Variants in HSF4 observed in about 807,000 individuals in gnomAD.
The protein encoded by HSF4 is heat shock transcription factor 4.
Under a neutral mutation model 52.0 loss-of-function variants are expected in HSF4, and 41 were observed. The observed-to-expected ratio is 0.79, with a 90% CI of 0.61 to 1.02. The LOEUF is 1.02. HSF4 is among the 50% of genes least tolerant of loss of function. HSF4 has a pLI of 0.00. For synonymous variants in HSF4, 285 were observed against 273.0 expected, an observed-to-expected ratio of 1.04 and a Z score of -0.43; for missense variants, 610 against 651.1, an observed-to-expected ratio of 0.94 and a Z score of 0.69.
rs760918985 is a variant in HSF4, at chr16:67,169,069, A to G, written c.1222A>G (p.Thr408Ala). 23 of 1,613,490 alleles carry G rather than the reference A, an allele frequency of 1.4e-5. No homozygotes were observed. The highest frequency in any genetic ancestry group is 1.1e-4 in the South Asian group (10 of 91,076). Residue 408 changes from threonine to alanine, a missense_variant, in exon 11 of 13, where the codon ACC becomes GCC. Coordinates refer to ENST00000521374, the MANE Select transcript of HSF4 (RefSeq NM_001374675.1). This position sits in a 1 kb window ranked among gnomAD's most constrained non-coding sequence, Gnocchi z 4.3. ...CCCCAGTCTCCAAGGGCGAGAATGG[A>G]CCCTGATGGACTTGGACATGGAGCT... ...LGPSLQGREW[T>A]LMDLDMELSL...
At chr16:67,168,107 A>C (rs1597242937) in intron 9 of HSF4, among the ~76,000 whole-genome samples, 160 bp downstream of exon 9, 2 of 152,396 alleles carry the variant, frequency 1.3e-5, no homozygotes, top group Middle Eastern at 6.8e-3. Context: ...GGCACTCAGC[A>C]TCTGCGGAAG....
At position 67,167,716 on chromosome 16, in the gene HSF4, G is replaced by A. The variant is rs1337873991; in HGVS notation, c.855-4G>A. 6.2e-7 allele frequency: 1 copy of A among 1,610,502 alleles called. No homozygotes were observed. Among genetic ancestry groups the A allele is most frequent in the African/African-American group, 1.3e-5 (1 of 74,912 alleles). On this transcript the variant is annotated splice_region_variant and splice_polypyrimidine_tract_variant and intron_variant, in intron 8 of 12. Coordinates refer to ENST00000521374, the MANE Select transcript of HSF4 (RefSeq NM_001374675.1). ...GGTCTGGTTGAAGCTTTTCTCTGGT[G>A]CAGGGAGAAGGGCCTGGCACTGCTC...
chr16:67,169,274 C>A lies in HSF4; in HGVS notation c.1255-5C>A. Reference sequence around the variant, plus strand: ...CCCCAGCTGCTCCCTGCGGTTCTCACGCAGATGCAGCCCTTGGTTCCAGAG... The same window carrying A: ...CCCCAGCTGCTCCCTGCGGTTCTCAAGCAGATGCAGCCCTTGGTTCCAGAG... On this transcript the variant is annotated splice_region_variant and splice_polypyrimidine_tract_variant and intron_variant, in intron 11 of 12. Coordinates refer to ENST00000521374, the MANE Select transcript of HSF4 (RefSeq NM_001374675.1). This position sits in a 1 kb window ranked among gnomAD's most constrained non-coding sequence, Gnocchi z 4.3. 1.2e-6 allele frequency: 2 copies of A among 1,613,444 alleles called. No individual in the cohort carries two copies. Among genetic ancestry groups the A allele is most frequent in the Non-Finnish European group, 1.7e-6 (2 of 1,179,948 alleles).
At position 67,165,763 on chromosome 16, in the gene HSF4, A is replaced by G; in HGVS notation, c.277A>G (p.Arg93Gly). Residue 93 changes from arginine to glycine, a missense_variant, in exon 3 of 13, where the codon AGG becomes GGG. By Grantham distance (125) the Arg-to-Gly change is moderately radical. Coordinates refer to ENST00000521374, the MANE Select transcript of HSF4 (RefSeq NM_001374675.1). The surrounding 1 kb of genome is among the most constrained non-coding windows in gnomAD (Gnocchi z 6.9). ...VVSIEQGGLL[R>G]PERDHVEFQH... ...GAGCATCGAGCAGGGCGGCCTGCTT[A>G]GGCCGGAGCGCGACCACGTCGAGTT... The G allele has an allele frequency of 6.2e-7, 1 of 1,611,036 alleles. No individual in the cohort carries two copies. Among genetic ancestry groups the G allele is most frequent in the Non-Finnish European group, 8.5e-7 (1 of 1,179,716 alleles).
intron 6 of HSF4, 66 bp from the exon 7 acceptor site, chr16:67,167,054 T>C: frequency 1.2e-6 from 2 of 1,610,816 alleles, no homozygotes; most frequent in South Asian, 2.2e-5. Context: ...GGGAGGGAAG[T>C]GCAGGCCGAG....
At position 67,169,424 on chromosome 16, in the gene HSF4, T is replaced by C; in HGVS notation, c.1324+76T>C. 3.2e-6 allele frequency: 5 copies of C among 1,575,714 alleles called. No individual in the cohort carries two copies. The highest frequency in any genetic ancestry group is 4.3e-6 in the Non-Finnish European group (5 of 1,160,628). ...CTACCTTGATTGAGTGAGGGGGCAA[T>C]CTGCAATTTGCAGGGAAATCCTGAG... On this transcript the variant is annotated intron_variant, in intron 12 of 12. Coordinates refer to ENST00000521374, the MANE Select transcript of HSF4 (RefSeq NM_001374675.1). The surrounding 1 kb of genome is among the most constrained non-coding windows in gnomAD (Gnocchi z 4.3).
In HSF4 at chr16:67,165,667, G is replaced by A. The variant is rs2031212380; in HGVS notation, c.232+37G>A. On this transcript the variant is annotated intron_variant, in intron 2 of 12. Transcript: ENST00000521374. This position sits in a 1 kb window ranked among gnomAD's most constrained non-coding sequence, Gnocchi z 6.9. ...CGGCCGGGCGGGGAGCGGGGATGGG[G>A]GACTCGGTGCCGGGGATGGGGCGAC... is the stretch of plus-strand genomic sequence containing the variant. 1 of 1,612,514 alleles carries A rather than the reference G, an allele frequency of 6.2e-7. No homozygotes were observed. The highest frequency in any genetic ancestry group is 1.3e-5 in the African/African-American group (1 of 75,050).
Position 67,164,891 on chromosome 16 carries a change from T to C in HSF4, c.80T>C (p.Leu27Pro). 1 of 1,608,234 alleles carries C rather than the reference T, an allele frequency of 6.2e-7. No homozygotes were observed. The highest frequency in any genetic ancestry group is 8.5e-7 in the Non-Finnish European group (1 of 1,179,170). The part of the protein sequence containing the change: ...VPAFLGKLWA[L>P]VGDPGTDHLI... ...GCCTTCCTCGGCAAGCTATGGGCGC[T>C]GGTGGGGGACCCAGGCACAGACCAC... is the stretch of plus-strand genomic sequence containing the variant. Residue 27 changes from leucine to proline, a missense_variant, in exon 1 of 13, where the codon CTG becomes CCG. Transcript: ENST00000521374.
Position 67,165,008 on chromosome 16 carries a change from C to T in HSF4, c.123+74C>T. 33 of 1,439,086 alleles carry T rather than the reference C, an allele frequency of 2.3e-5. No homozygotes were observed. Among genetic ancestry groups the T allele is most frequent in the Non-Finnish European group, 3.1e-5 (33 of 1,075,346 alleles). The allele number at this position is 1,439,086 out of a possible 1,614,324, so 89.1% of individuals were successfully genotyped here. A position where few individuals can be genotyped will look rare whatever the true frequency, so the allele number is the denominator to read the frequency against. ...ACGTCAGTGAACACCCATGCCCGCC[C>T]AACCCCCTCCTGAGACTGGGCCGTG... On this transcript the variant is annotated intron_variant, in intron 1 of 12. Transcript: ENST00000521374. This position sits in a 1 kb window ranked among gnomAD's most constrained non-coding sequence, Gnocchi z 6.9.
rs1421457210 is a variant in HSF4 at position 67,169,136 on chromosome 16, G to C, written c.1254+35G>C. The C allele has an allele frequency of 6.2e-7, 1 of 1,608,024 alleles. No homozygotes were observed. Among genetic ancestry groups the C allele is most frequent in the South Asian group, 1.1e-5 (1 of 91,022 alleles). ...GGGTCGGGGAGGGCAGAGGCCAGGG[G>C]TGGCTGAGTCAAGCCCTCTGGTCCA... is the stretch of plus-strand genomic sequence containing the variant. On this transcript the variant is annotated intron_variant, in intron 11 of 12. Coordinates refer to ENST00000521374, the MANE Select transcript of HSF4 (RefSeq NM_001374675.1). The surrounding 1 kb of genome is among the most constrained non-coding windows in gnomAD (Gnocchi z 4.3).
chr16:67,166,987 C>T, intron 6 of HSF4, 133 bp from the exon 7 acceptor site: 1 of 1,247,178 alleles, frequency 8.0e-7, no homozygotes, highest in Non-Finnish European at 1.2e-6. Flanking sequence ...CAGCATGTGA[C>T]TGACACCCTA....
In HSF4 at chr16:67,165,050, C is replaced by T. The variant is rs2031143874; in HGVS notation, c.123+116C>T. 7.5e-6 allele frequency: 9 copies of T among 1,207,964 alleles called. No homozygotes were observed. Among genetic ancestry groups the T allele is most frequent in the Non-Finnish European group, 1.0e-5 (9 of 885,264 alleles). The allele number at this position is 1,207,964 out of a possible 1,614,324, so 74.8% of individuals were successfully genotyped here. ...TGGGCCGTGGATCCCCGGATTTGGC[C>T]ATTCAGAGAAGTTCACCTTGGAGGG... On this transcript the variant is annotated intron_variant, in intron 1 of 12. Coordinates refer to ENST00000521374, the MANE Select transcript of HSF4 (RefSeq NM_001374675.1). The surrounding 1 kb of genome is among the most constrained non-coding windows in gnomAD (Gnocchi z 6.9).
At chr16:67,167,690 G>C in intron 8 of HSF4, 30 bp from the exon 9 acceptor site, 1 of 1,612,078 alleles carries the variant, frequency 6.2e-7, no homozygotes, top group Non-Finnish European at 8.5e-7. Context: ...GTCAGTGCCA[G>C]GGTCTGGTTG....
upstream of HSF4, chr16:67,164,059 C>T: frequency 1.4e-6 from 1 of 708,178 alleles, no homozygotes. Flanking sequence ...GCCCCCCTCT[C>T]TTGCCTCCAC....
rs1277215382 is a variant in HSF4, at chr16:67,167,727, G to T, written c.862G>T (p.Gly288Cys). Residue 288 changes from glycine to cysteine, a missense_variant, in exon 9 of 13, where the codon GGC becomes TGC. Transcript: ENST00000521374. ...AGCTTTTCTCTGGTGCAGGGAGAAG[G>T]GCCTGGCACTGCTCAAAGAAGAGCC... Reference protein sequence around the residue: ...SPSSDGRREKGLALLKEEPAS... With the variant: ...SPSSDGRREKCLALLKEEPAS... The T allele has an allele frequency of 8.7e-6, 14 of 1,609,416 alleles. No homozygotes were observed. Among genetic ancestry groups the T allele is most frequent in the Non-Finnish European group, 1.1e-5 (13 of 1,178,428 alleles).
intron 6 of HSF4, 45 bp downstream of exon 6, chr16:67,166,667 C>A: frequency 6.4e-7 from 1 of 1,558,034 alleles, no homozygotes; most frequent in Non-Finnish European, 8.8e-7. Flanking sequence ...TCCAAGACCC[C>A]CCAGAAGTCC....
chr16:67,169,691 C>T lies in HSF4; in HGVS notation c.1385C>T (p.Pro462Leu). The T allele has an allele frequency of 6.2e-7, 1 of 1,612,760 alleles. No homozygotes were observed. The highest frequency in any genetic ancestry group is 8.5e-7 in the Non-Finnish European group (1 of 1,179,974). The change falls in exon 13 of 13, where the codon CCA becomes CTA. Residue 462 changes from proline (P) to leucine (L), a missense_variant. Physicochemically the swap from Pro to Leu is moderately conservative, Grantham distance 98 (BLOSUM62 -3). Transcript: ENST00000521374. This position sits in a 1 kb window ranked among gnomAD's most constrained non-coding sequence, Gnocchi z 4.3. ...LLDVQAALGG[P>L]ALGLPGALTI... ...GATGTCCAGGCGGCCTTGGGAGGCC[C>T]AGCCCTGGGCCTGCCTGGGGCTTTA...
chr16:67,168,747 G>A (rs2031499456), intron 9 of HSF4, 84 bp from the exon 10 acceptor site: 5 of 986,784 alleles, frequency 5.1e-6, no homozygotes, highest in Non-Finnish European at 8.1e-6. Flanking sequence ...AAGATTGGGG[G>A]ATTAAAATCT....
At chr16:67,163,816 C>A (rs199975180), upstream of HSF4, 6 of 1,543,430 alleles carry the variant, frequency 3.9e-6, no homozygotes, top group Middle Eastern at 3.7e-4. Context: ...ACGCTCGTGG[C>A]GTGATTGGGC....
Sources: allele counts gnomAD v4.1 joint callset (sites outside exome capture counted in the v4.1 genomes callset), GRCh38; gene constraint gnomAD v4.1.1; non-coding constraint Gnocchi (gnomAD v3.1); transcripts MANE v1.5; gene names NCBI Gene and HGNC (gene_info 2026-07-23, HGNC 2026-07-21).